The following ZNF749 variants were observed in gnomAD, a reference collection of about 807,000 sequenced individuals.
ZNF749 encodes zinc finger protein 749.
ZNF749 carries 8 observed loss-of-function variants against 7.3 expected under a neutral mutation model. The ratio of observed to expected loss-of-function variants is 1.10; its 90% CI spans 0.64 to 1.98. The LOEUF (loss-of-function observed/expected upper bound fraction) is 1.98. Ranked by LOEUF, ZNF749 falls within the 30% of genes most tolerant of loss-of-function variation. The pLI, the probability that ZNF749 is intolerant of heterozygous loss-of-function variation, is 0.00. For missense variants in ZNF749, 898 were observed against 932.4 expected (o/e 0.96, Z 0.48); for synonymous variants, 310 against 322.4 (o/e 0.96, Z 0.41).
chr19:57,440,785 G>A (rs186636628), intron 1 of ZNF749, among the ~76,000 whole-genome samples: 98 of 152,204 alleles, frequency 6.4e-4, no homozygotes, highest in Non-Finnish European at 1.2e-3. Flanking sequence ...CTGAGTTTGG[G>A]TGTCTGGGAG....
At chr19:57,435,791 C>G (rs976279363) in intron 1 of ZNF749, 198 bp downstream of exon 1, 7 of 1,135,578 alleles carry the variant, frequency 6.2e-6, no homozygotes, top group Non-Finnish European at 8.5e-6. Flanking sequence ...CTTGGAGGCA[C>G]TGCAGAACGG....
chr19:57,443,433 C>T lies in ZNF749; in HGVS notation c.285C>T (p.Asp95=). 1 of 1,614,248 alleles carries T rather than the reference C, an allele frequency of 6.2e-7. No homozygotes were observed. Among genetic ancestry groups the T allele is most frequent in the Non-Finnish European group, 8.5e-7 (1 of 1,180,038 alleles). The change falls in exon 3 of 3, where the codon GAC becomes GAT. Residue 95 remains aspartate (D), a synonymous_variant. Transcript: ENST00000334181. ...PCKMCSSILK[D]ILHLAEHDGT... ...AGATGTGTAGCTCAATTCTGAAGGA[C>T]ATTCTGCACCTGGCTGAGCACGATG...
rs1222037350 is a variant in ZNF749 at position 57,439,255 on chromosome 19, TG to T, written c.16-2624del. The stretch of plus-strand genomic sequence containing the variant: ...GTGGCGGTGGTGGAAGTGGGAGGAG[TG>T]GGGGGCTTCTGTATGTGTTTGATCT... On this transcript the variant is annotated intron_variant, in intron 1 of 2. Transcript: ENST00000334181. The surrounding 1 kb of genome is among the most constrained non-coding windows in gnomAD (Gnocchi z 4.3). Among the ~76,000 whole-genome samples the T allele has an allele frequency of 6.7e-6, 1 of 149,454 alleles. No homozygotes were observed. Among genetic ancestry groups the T allele is most frequent in the Non-Finnish European group, 1.5e-5 (1 of 67,318 alleles).
chr19:57,445,208 A>G lies in ZNF749; in HGVS notation c.2060A>G (p.His687Arg). 6.2e-7 allele frequency: 1 copy of G among 1,614,108 alleles called. No individual in the cohort carries two copies. ...LRYRSTFIKH[H>R]KVCTGEKPHE... ...TACCGCTCTACATTCATTAAACATC[A>G]TAAAGTTTGCACTGGGGAGAAGCCT... The change falls in exon 3 of 3, where the codon CAT becomes CGT. Residue 687 changes from histidine to arginine, a missense_variant. Physicochemically the swap from His to Arg is conservative, Grantham distance 29. Coordinates refer to ENST00000334181, the MANE Select transcript of ZNF749 (RefSeq NM_001023561.4).
In ZNF749 at chr19:57,442,401, T is replaced by C. The variant is rs2089000718; in HGVS notation, c.142+390T>C. Among the ~76,000 whole-genome samples the C allele has an allele frequency of 6.6e-6, 1 of 152,200 alleles. No individual in the cohort carries two copies. The highest frequency in any genetic ancestry group is 2.4e-5 in the African/African-American group (1 of 41,436). On this transcript the variant is annotated intron_variant, in intron 2 of 2. Transcript: ENST00000334181. This position sits in a 1 kb window ranked among gnomAD's most constrained non-coding sequence, Gnocchi z 6.6. ...GTCTGTGCTAGGAATTTCAGGCACCTCCCTGGTCACCACTTGTGAGGATTG... is the reference window on the plus strand; with the variant it reads ...GTCTGTGCTAGGAATTTCAGGCACCCCCCTGGTCACCACTTGTGAGGATTG...
chr19:57,446,983 G>A lies in ZNF749; in HGVS notation c.*1498G>A, dbSNP rs536124771. On this transcript the variant is annotated 3_prime_UTR_variant, in exon 3 of 3. Coordinates refer to ENST00000334181, the MANE Select transcript of ZNF749 (RefSeq NM_001023561.4). ...GGTTGAGTCAGGGAGTGAGTTGTGAGTGAATGTGAAGCTCTAGGACATTAC... is the reference window on the plus strand; with the variant it reads ...GGTTGAGTCAGGGAGTGAGTTGTGAATGAATGTGAAGCTCTAGGACATTAC... 8.5e-5 allele frequency among the ~76,000 whole-genome samples: 13 copies of A among 152,286 alleles called. No homozygotes were observed. The East Asian group carries it at 2.3e-3, about 27-fold the overall frequency.
At chr19:57,441,342 A>G (rs2123100332) in intron 1 of ZNF749, among the ~76,000 whole-genome samples, 1 of 152,172 alleles carries the variant, frequency 6.6e-6, no homozygotes. Flanking sequence ...GAAGCACTGA[A>G]GATTCTGGAG....
rs1491324233 is a variant in ZNF749 at position 57,443,817 on chromosome 19, TTA to T, written c.671_672del (p.Tyr224Ter). On this transcript the variant is annotated frameshift_variant, in exon 3 of 3. Transcript: ENST00000334181. LOFTEE classifies it low-confidence loss of function (END_TRUNC). ...AAAAAACCCATAATGGGGAGAGGCC[TTA>T]TGAGTTCAGTGAATGTGGGGAATTG... is the stretch of plus-strand genomic sequence containing the variant. ...HQKTHNGERPYEFSECGELFR... is the reference protein window; with the variant it reads ...HQKTHNGERPXEFSECGELFR... 64 of 1,614,084 alleles carry T rather than the reference TTA, an allele frequency of 4.0e-5. No homozygotes were observed. The highest frequency in any genetic ancestry group is 5.1e-5 in the Non-Finnish European group (60 of 1,180,028).
Position 57,444,048 on chromosome 19 carries a change from C to T in ZNF749, c.900C>T (p.Cys300=), listed in dbSNP as rs776923369. ...TCAGTAGACCAACACCTTATGAATG[C>T]ACCCAGTGTGGGAAGGCCTTTCTTA... ...EILSRPTPYE[C]TQCGKAFLTQ... The change falls in exon 3 of 3, where the codon TGC becomes TGT. Residue 300 remains cysteine (C), a synonymous_variant. Transcript: ENST00000334181. 1.2e-6 allele frequency: 2 copies of T among 1,613,956 alleles called. No individual in the cohort carries two copies. Among genetic ancestry groups the T allele is most frequent in the African/African-American group, 1.3e-5 (1 of 75,016 alleles).
chr19:57,441,062 G>A (rs1157465482), intron 1 of ZNF749, among the ~76,000 whole-genome samples: 2 of 133,488 alleles, frequency 1.5e-5, no homozygotes, highest in Admixed American at 1.7e-4. Context: ...GGAGGCAGAA[G>A]TTGCAGTGAG....
chr19:57,432,261 A>G (rs2088902321), upstream of ZNF749, among the ~76,000 whole-genome samples: 1 of 151,812 alleles, frequency 6.6e-6, no homozygotes, highest in African/African-American at 2.4e-5. Context: ...CAAGGATGGC[A>G]ATGTCACGGG....
chr19:57,429,689 C>T, the ZNF749 span, among the ~76,000 whole-genome samples: 10 of 152,172 alleles, frequency 6.6e-5, no homozygotes, highest in South Asian at 1.5e-3. This position sits in a 1 kb window ranked among gnomAD's most constrained non-coding sequence, Gnocchi z 4.2. Flanking sequence ...TCCTCTGGCA[C>T]TCAGGCTGGA....
Position 57,444,755 on chromosome 19 carries a change from C to T in ZNF749, c.1607C>T (p.Ala536Val). ...LVQHEKIHTD[A>V]FSKRSDLIQH... ...CAGCATGAGAAAATCCACACTGATG[C>T]ATTTTCAAAAAGGTCTGACCTCATT... Residue 536 changes from alanine to valine, a missense_variant, in exon 3 of 3, where the codon GCA becomes GTA. Physicochemically the swap from Ala to Val is moderately conservative, Grantham distance 64. Coordinates refer to ENST00000334181, the MANE Select transcript of ZNF749 (RefSeq NM_001023561.4). 1 of 1,613,602 alleles carries T rather than the reference C, an allele frequency of 6.2e-7. No homozygotes were observed. Among genetic ancestry groups the T allele is most frequent in the Non-Finnish European group, 8.5e-7 (1 of 1,179,828 alleles).
chr19:57,436,032 G>T lies in ZNF749; in HGVS notation c.15+439G>T, dbSNP rs1303689834. Among the ~76,000 whole-genome samples the T allele has an allele frequency of 6.6e-6, 1 of 152,208 alleles. No individual in the cohort carries two copies. Among genetic ancestry groups the T allele is most frequent in the Non-Finnish European group, 1.5e-5 (1 of 68,038 alleles). On this transcript the variant is annotated intron_variant, in intron 1 of 2. Transcript: ENST00000334181. This position sits in a 1 kb window ranked among gnomAD's most constrained non-coding sequence, Gnocchi z 4.0. ...GAGTTATGGTAGGGCTGGGCCAGAG[G>T]GGTTGCAGTAGAGGGGAGATGTGAT...
upstream of ZNF749, among the ~76,000 whole-genome samples, chr19:57,431,097 G>C (rs1208036906): frequency 1.3e-5 from 2 of 151,180 alleles, no homozygotes; most frequent in Non-Finnish European, 2.9e-5. Flanking sequence ...AGAAGAGTTA[G>C]ATATAAGGCA....
intron 1 of ZNF749, among the ~76,000 whole-genome samples, chr19:57,440,341 T>C (rs1217696797): frequency 6.6e-6 from 1 of 151,566 alleles, no homozygotes; most frequent in African/African-American, 2.4e-5. Flanking sequence ...GAGAATGTTG[T>C]GACTGCTTAT....
intron 1 of ZNF749, 62 bp downstream of exon 1, chr19:57,435,655 A>C: frequency 6.3e-7 from 1 of 1,576,172 alleles, no homozygotes; most frequent in Admixed American, 1.8e-5. Flanking sequence ...AGTCCCAAGG[A>C]GCCGCCCTGC....
intron 1 of ZNF749, among the ~76,000 whole-genome samples, chr19:57,440,574 T>A (rs537237304): frequency 6.6e-6 from 1 of 152,218 alleles, no homozygotes; most frequent in South Asian, 2.1e-4. Flanking sequence ...TCTGGTGCAC[T>A]GCAGGACTCC....
chr19:57,433,923 A>G (rs1000939687), upstream of ZNF749, among the ~76,000 whole-genome samples: 6 of 152,166 alleles, frequency 3.9e-5, no homozygotes, highest in East Asian at 1.2e-3. Flanking sequence ...TTTGTAGTGC[A>G]TTGTAAAAAG....
Sources: allele counts gnomAD v4.1 joint callset (sites outside exome capture counted in the v4.1 genomes callset), GRCh38; gene constraint gnomAD v4.1.1; non-coding constraint Gnocchi (gnomAD v3.1); transcripts MANE v1.5; gene names NCBI Gene and HGNC (gene_info 2026-07-23, HGNC 2026-07-21).